The following ARID3A variants were observed in gnomAD, a reference collection of about 807,000 sequenced individuals.
ARID3A encodes AT-rich interaction domain 3A, also known as AT-rich interactive domain-containing protein 3A.
In ARID3A, 11 loss-of-function variants were observed where a neutral mutation model predicts 52.7. The ratio of observed to expected loss-of-function variants is 0.21; its 90% CI spans 0.13 to 0.35. The LOEUF (loss-of-function observed/expected upper bound fraction) is 0.35. ARID3A is among the 10% of genes least tolerant of loss of function. The probability of loss-of-function intolerance (pLI) is 1.00; values close to 1 mark genes in which losing one functional copy is unlikely to be tolerated. For synonymous variants in ARID3A, 404 were observed against 359.4 expected (o/e 1.12, Z -1.40); for missense variants, 721 against 838.5 (o/e 0.86, Z 1.73).
At chr19:932,000 CCT>C (rs2037340251) in intron 2 of ARID3A, among the ~76,000 whole-genome samples, 1 of 151,618 alleles carries the variant, frequency 6.6e-6, no homozygotes, top group African/African-American at 2.4e-5. Flanking sequence ...GTAATGATTC[CCT>C]TTTTTTTTTT....
In ARID3A at chr19:940,052, C is replaced by G. The variant is rs141696965; in HGVS notation, c.693+7310C>G. Among the ~76,000 whole-genome samples, 1,169 of 151,850 alleles carry G rather than the reference C, an allele frequency of 7.7e-3. 15 individuals are homozygous for G. Among genetic ancestry groups the G allele is most frequent in the Middle Eastern group, 0.027 (8 of 294 alleles). On this transcript the variant is annotated intron_variant, in intron 3 of 8. Transcript: ENST00000263620. Reference sequence around the variant, plus strand: ...CATCCCTCGAGGGGTCAGGGCTGGGCTAGAGGGGATTGAGGGGGAGGCTGC... The same window carrying G: ...CATCCCTCGAGGGGTCAGGGCTGGGGTAGAGGGGATTGAGGGGGAGGCTGC...
chr19:952,486 C>T (rs935458739), intron 3 of ARID3A, among the ~76,000 whole-genome samples: 24 of 143,808 alleles, frequency 1.7e-4, no homozygotes, highest in African/African-American at 4.8e-4. Flanking sequence ...AATTTCTCTT[C>T]TTCTGACATC....
chr19:926,399 G>A (rs1240245517), intron 1 of ARID3A, among the ~76,000 whole-genome samples: 1 of 151,704 alleles, frequency 6.6e-6, no homozygotes, highest in Non-Finnish European at 1.5e-5. Flanking sequence ...ACTCCCCACT[G>A]GATCAATCGC....
At chr19:945,281 C>G (rs1033338857) in intron 3 of ARID3A, among the ~76,000 whole-genome samples, 11 of 152,248 alleles carry the variant, frequency 7.2e-5, no homozygotes, top group Non-Finnish European at 1.5e-4. Context: ...GGGATGGTAT[C>G]AGAAGGAGTG....
intron 3 of ARID3A, among the ~76,000 whole-genome samples, chr19:933,484 C>G (rs1258279782): frequency 1.3e-5 from 2 of 152,186 alleles, no homozygotes; most frequent in Non-Finnish European, 2.9e-5. Context: ...TGGGCTCTGC[C>G]TCGACCTCTG....
intron 3 of ARID3A, among the ~76,000 whole-genome samples, chr19:952,353 G>T (rs1198760329): frequency 7.4e-6 from 1 of 135,962 alleles, no homozygotes; most frequent in Non-Finnish European, 1.5e-5. Flanking sequence ...GAGGCAGGAG[G>T]ATCACTTGAG....
Position 973,629 on chromosome 19 carries a change from C to T in ARID3A, c.*1564C>T, listed in dbSNP as rs747478201. 1.3e-5 allele frequency: 3 copies of T among 225,272 alleles called. No individual in the cohort carries two copies. Among genetic ancestry groups the T allele is most frequent in the Non-Finnish European group, 2.7e-5 (3 of 113,068 alleles). The allele number at this position is 225,272 out of a possible 1,614,324, so 14.0% of individuals were successfully genotyped here. A position where few individuals can be genotyped will look rare whatever the true frequency, so the allele number is the denominator to read the frequency against. Reference sequence around the variant, plus strand: ...CACTCAGGGTGAGGATTTCAGGGCCCCGGCATCCTGAACACCCCCCACACC... The same window carrying T: ...CACTCAGGGTGAGGATTTCAGGGCCTCGGCATCCTGAACACCCCCCACACC... On this transcript the variant is annotated 3_prime_UTR_variant, in exon 9 of 9. Coordinates refer to ENST00000263620, the MANE Select transcript of ARID3A (RefSeq NM_005224.3).
At chr19:933,197 G>A (rs1023568518) in intron 3 of ARID3A, among the ~76,000 whole-genome samples, 2 of 152,144 alleles carry the variant, frequency 1.3e-5, no homozygotes, top group African/African-American at 4.8e-5. Context: ...GGCTGCAGCT[G>A]GCAGCCGAGG....
chr19:956,007 A>G (rs1281159991), intron 3 of ARID3A, among the ~76,000 whole-genome samples: 2 of 152,038 alleles, frequency 1.3e-5, no homozygotes, highest in African/African-American at 2.4e-5. Flanking sequence ...GTCCCTTGAC[A>G]TGTGGCCGGC....
Position 929,446 on chromosome 19 carries a change from CGCAGGGGCCG to C in ARID3A, c.-82_-73del. ...CTGCAGTGCGGCCGGGCCCCCTCCCCGCAGGGGCCGCCCCCGCCGCCCACCCCTAGCGCCC... is the reference window on the plus strand; with the variant it reads ...CTGCAGTGCGGCCGGGCCCCCTCCCCCCCCCGCCGCCCACCCCTAGCGCCC... On this transcript the variant is annotated 5_prime_UTR_variant, in exon 2 of 9. Transcript: ENST00000263620. This position sits in a 1 kb window ranked among gnomAD's most constrained non-coding sequence, Gnocchi z 6.2. 79 of 1,275,386 alleles carry C rather than the reference CGCAGGGGCCG, an allele frequency of 6.2e-5. No individual in the cohort carries two copies. The highest frequency in any genetic ancestry group is 1.3e-4 in the East Asian group (3 of 22,748). The allele number at this position is 1,275,386 out of a possible 1,614,324, so 79.0% of individuals were successfully genotyped here.
chr19:930,061 G>A (rs1044592510), intron 2 of ARID3A, among the ~76,000 whole-genome samples, 165 bp downstream of exon 2: 19 of 152,048 alleles, frequency 1.2e-4, no homozygotes, highest in African/African-American at 4.1e-4. Flanking sequence ...CCCAGGGGTT[G>A]GAGACCAGCC....
chr19:949,067 C>T (rs988772113), intron 3 of ARID3A, among the ~76,000 whole-genome samples: 2 of 152,166 alleles, frequency 1.3e-5, no homozygotes, highest in Non-Finnish European at 2.9e-5. Flanking sequence ...CTCTGGCCGC[C>T]TCCTTCCCGC....
In ARID3A at chr19:942,564, C is replaced by T. The variant is rs2037579447; in HGVS notation, c.693+9822C>T. The stretch of plus-strand genomic sequence containing the variant: ...CTAATCTGGCCATTGAAGGCCCAAG[C>T]GCCGGGATATGCAGCCTTGCCCCTT... On this transcript the variant is annotated intron_variant, in intron 3 of 8. Transcript: ENST00000263620. The surrounding 1 kb of genome is among the most constrained non-coding windows in gnomAD (Gnocchi z 8.1). 1.3e-5 allele frequency among the ~76,000 whole-genome samples: 2 copies of T among 152,222 alleles called. No individual in the cohort carries two copies. Among genetic ancestry groups the T allele is most frequent in the East Asian group, 3.9e-4 (2 of 5,190 alleles).
chr19:954,086 A>G (rs2037863236), intron 3 of ARID3A, among the ~76,000 whole-genome samples: 1 of 151,292 alleles, frequency 6.6e-6, no homozygotes, highest in Admixed American at 6.6e-5. Context: ...GGGCGGAGGG[A>G]GCAGGAGAGG....
chr19:926,537 C>T (rs956890285), intron 1 of ARID3A, among the ~76,000 whole-genome samples: 1 of 151,828 alleles, frequency 6.6e-6, no homozygotes, highest in Non-Finnish European at 1.5e-5. Flanking sequence ...ATTCTTTCTC[C>T]CCGAAATCAG....
In ARID3A at chr19:960,929, G is replaced by A. The variant is rs540350149; in HGVS notation, c.766+765G>A. On this transcript the variant is annotated intron_variant, in intron 4 of 8. Coordinates refer to ENST00000263620, the MANE Select transcript of ARID3A (RefSeq NM_005224.3). This position sits in a 1 kb window ranked among gnomAD's most constrained non-coding sequence, Gnocchi z 4.3. ...TCAGACGACCAAGGGTAGCCGGGGT[G>A]TCCCAGCGGCCATTCCCAGGCCCCA... 5.8e-4 allele frequency among the ~76,000 whole-genome samples: 88 copies of A among 152,308 alleles called. No individual in the cohort carries two copies. Among genetic ancestry groups the A allele is most frequent in the African/African-American group, 2.0e-3 (84 of 41,560 alleles).
chr19:951,775 T>A (rs1270555486), intron 3 of ARID3A, among the ~76,000 whole-genome samples: 1 of 152,168 alleles, frequency 6.6e-6, no homozygotes, highest in Non-Finnish European at 1.5e-5. Flanking sequence ...ATATCTGGCC[T>A]TAGAGGAAAA....
At chr19:937,037 G>A (rs2037451932) in intron 3 of ARID3A, among the ~76,000 whole-genome samples, 1 of 152,116 alleles carries the variant, frequency 6.6e-6, no homozygotes, top group Admixed American at 6.6e-5. Context: ...GGAGGCTGAG[G>A]TGGGCAGAGC....
chr19:950,451 G>T (rs1157742124), intron 3 of ARID3A, among the ~76,000 whole-genome samples: 1 of 152,224 alleles, frequency 6.6e-6, no homozygotes, highest in Non-Finnish European at 1.5e-5. Context: ...AGGTGCTGAG[G>T]GTTAGCACAG....
Sources: allele counts gnomAD v4.1 joint callset (sites outside exome capture counted in the v4.1 genomes callset), GRCh38; gene constraint gnomAD v4.1.1; non-coding constraint Gnocchi (gnomAD v3.1); transcripts MANE v1.5; gene names NCBI Gene and HGNC (gene_info 2026-07-23, HGNC 2026-07-21).